The following AMOTL1 variants were observed in gnomAD, a reference collection of about 807,000 sequenced individuals.
AMOTL1 encodes the protein angiomotin-like protein 1.
In AMOTL1, 45 loss-of-function variants were observed where a neutral mutation model predicts 102.9. The observed-to-expected ratio is 0.44, with a 90% CI of 0.34 to 0.56. The LOEUF (loss-of-function observed/expected upper bound fraction) is 0.56. Among genes scored for constraint, AMOTL1 ranks in the 20% least tolerant of loss-of-function variants. AMOTL1 has a pLI of 0.01. For missense variants in AMOTL1, 1,114 were observed against 1,225.6 expected (o/e 0.91, Z 1.36); for synonymous variants, 481 against 484.7 (o/e 0.99, Z 0.10).
intron 1 of AMOTL1, among the ~76,000 whole-genome samples, chr11:94,716,658 G>A (rs765975971): frequency 6.6e-6 from 1 of 152,072 alleles, no homozygotes; most frequent in South Asian, 2.1e-4. Context: ...CTGTTTGATG[G>A]GTATGGAGGA....
intron 1 of AMOTL1, among the ~76,000 whole-genome samples, chr11:94,772,222 A>T (rs745501136): frequency 6.6e-6 from 1 of 152,214 alleles, no homozygotes; most frequent in African/African-American, 2.4e-5. Flanking sequence ...TTACATGCAC[A>T]TGTAAAATTT....
intron 3 of AMOTL1, among the ~76,000 whole-genome samples, chr11:94,744,799 T>G (rs1439658849): frequency 6.6e-6 from 1 of 152,178 alleles, no homozygotes; most frequent in Non-Finnish European, 1.5e-5. Flanking sequence ...CCATGAAATA[T>G]CCCATATTCT....
At chr11:94,810,242 T>C (rs565685838) in intron 3 of AMOTL1, among the ~76,000 whole-genome samples, 2 of 152,308 alleles carry the variant, frequency 1.3e-5, no homozygotes, top group Admixed American at 1.3e-4. Context: ...CATAGAATTG[T>C]ATAAGGAAAC....
At chr11:94,776,860 T>A (rs1457420773) in intron 1 of AMOTL1, among the ~76,000 whole-genome samples, 8 of 152,252 alleles carry the variant, frequency 5.3e-5, no homozygotes, top group Admixed American at 5.2e-4. Context: ...AGGCCCTGTT[T>A]CCTGAGGGAC....
chr11:94,775,920 G>A (rs985526953), intron 1 of AMOTL1, among the ~76,000 whole-genome samples: 1 of 152,184 alleles, frequency 6.6e-6, no homozygotes, highest in African/African-American at 2.4e-5. Context: ...ATGGCAACTG[G>A]GTTATGCTGG....
intron 1 of AMOTL1, among the ~76,000 whole-genome samples, chr11:94,789,452 C>A (rs1951246817): frequency 6.6e-6 from 1 of 152,202 alleles, no homozygotes; most frequent in Non-Finnish European, 1.5e-5. Context: ...AGCCACCGTG[C>A]CCGGCACTGT....
At chr11:94,740,861 C>A in intron 2 of AMOTL1, 1 of 1,140,996 alleles carries the variant, frequency 8.8e-7, no homozygotes, top group Non-Finnish European at 1.1e-6. Flanking sequence ...CGGGGACCTG[C>A]GCTTGAGCTG....
intron 3 of AMOTL1, among the ~76,000 whole-genome samples, chr11:94,755,274 G>A (rs529292691): frequency 4.6e-5 from 7 of 152,268 alleles, no homozygotes; most frequent in African/African-American, 1.7e-4. Context: ...GGGTCTGAAT[G>A]TTAAGGTTTT....
At chr11:94,731,489 G>A (rs957852681) in intron 2 of AMOTL1, among the ~76,000 whole-genome samples, 12 of 152,192 alleles carry the variant, frequency 7.9e-5, no homozygotes, top group African/African-American at 2.7e-4. Flanking sequence ...AACCTCGTGA[G>A]GTGTTGAAGT....
intron 11 of AMOTL1, 95 bp downstream of exon 11, chr11:94,866,263 C>A: frequency 1.6e-6 from 2 of 1,252,736 alleles, no homozygotes; most frequent in Non-Finnish European, 2.2e-6. Flanking sequence ...CTGAATAGTT[C>A]CTGGTCTCAG....
chr11:94,710,417 T>A (rs952426738), intron 1 of AMOTL1, among the ~76,000 whole-genome samples: 1 of 152,194 alleles, frequency 6.6e-6, no homozygotes, highest in African/African-American at 2.4e-5. Flanking sequence ...TATCTAGACA[T>A]GTCTTCTCAG....
chr11:94,740,005 C>T (rs371691345), intron 2 of AMOTL1, among the ~76,000 whole-genome samples: 38 of 152,192 alleles, frequency 2.5e-4, no homozygotes, highest in African/African-American at 8.2e-4. Flanking sequence ...TTCTCTCCTC[C>T]CCCACTTCTC....
intron 8 of AMOTL1, among the ~76,000 whole-genome samples, chr11:94,856,358 A>G (rs998178898): frequency 6.6e-6 from 1 of 152,210 alleles, no homozygotes; most frequent in African/African-American, 2.4e-5. Context: ...AAAAAAATCC[A>G]CTGGAAACAT....
At chr11:94,802,890 A>G (rs1351225976) in intron 3 of AMOTL1, among the ~76,000 whole-genome samples, 1 of 152,244 alleles carries the variant, frequency 6.6e-6, no homozygotes, top group Admixed American at 6.5e-5. Context: ...GTGACCCAGA[A>G]GACAAGTAGG....
In AMOTL1 at chr11:94,768,403, C is replaced by G. The variant is rs1950885795; in HGVS notation, c.-109C>G. The stretch of plus-strand genomic sequence containing the variant: ...CCAGCAGCGGTTGTCGGGTTTGGGG[C>G]TGGAGGTGAAGCCCTGTGTGAATGG... On this transcript the variant is annotated 5_prime_UTR_variant, in exon 1 of 13. Coordinates refer to ENST00000433060, the MANE Select transcript of AMOTL1 (RefSeq NM_130847.3). The G allele has an allele frequency of 6.6e-7, 1 of 1,521,392 alleles. No homozygotes were observed. Among genetic ancestry groups the G allele is most frequent in the Non-Finnish European group, 8.8e-7 (1 of 1,135,296 alleles). The allele number at this position is 1,521,392 out of a possible 1,614,324, so 94.2% of individuals were successfully genotyped here. A position where few individuals can be genotyped will look rare whatever the true frequency, so the allele number is the denominator to read the frequency against.
chr11:94,872,191 C>T lies in AMOTL1; in HGVS notation c.*1396C>T, dbSNP rs191299808. ...TGTGTTAGGTGGTGGGTCCATTAGA[C>T]CTCTGCTGTGACATTGCATATTCAG... On this transcript the variant is annotated 3_prime_UTR_variant, in exon 13 of 13. Coordinates refer to ENST00000433060, the MANE Select transcript of AMOTL1 (RefSeq NM_130847.3). 1 of 152,120 alleles carries T rather than the reference C, an allele frequency of 6.6e-6. No homozygotes were observed. Among genetic ancestry groups the T allele is most frequent in the South Asian group, 2.1e-4 (1 of 4,822 alleles). The allele number at this position is 152,120 out of a possible 1,614,324, so 9.4% of individuals were successfully genotyped here.
chr11:94,742,631 A>G (rs919290926), intron 3 of AMOTL1, among the ~76,000 whole-genome samples: 1 of 152,188 alleles, frequency 6.6e-6, no homozygotes, highest in East Asian at 1.9e-4. Flanking sequence ...TTTTCTCTTC[A>G]GCTCCCCTAT....
At chr11:94,857,831 T>A (rs1952698539) in intron 8 of AMOTL1, among the ~76,000 whole-genome samples, 2 of 152,146 alleles carry the variant, frequency 1.3e-5, no homozygotes, top group South Asian at 4.1e-4. Context: ...CCCTGGTACA[T>A]GGTACATGCT....
chr11:94,864,605 T>G (rs1360640852), intron 9 of AMOTL1, 130 bp from the exon 10 acceptor site: 3 of 1,298,424 alleles, frequency 2.3e-6, no homozygotes, highest in East Asian at 5.0e-5. Flanking sequence ...AAAGGCTTCA[T>G]GAGCCAATGC....
Sources: allele counts gnomAD v4.1 joint callset (sites outside exome capture counted in the v4.1 genomes callset), GRCh38; gene constraint gnomAD v4.1.1; transcripts MANE v1.5; gene names NCBI Gene and HGNC (gene_info 2026-07-23, HGNC 2026-07-21).